The following ATF3 variants were observed in gnomAD, a reference collection of about 807,000 sequenced individuals.
The protein encoded by ATF3 is activating transcription factor 3.
A neutral mutation model predicts 18.4 loss-of-function variants in ATF3; 10 were observed. The ratio of observed to expected loss-of-function variants is 0.54; its 90% confidence interval spans 0.34 to 0.92. ATF3 has a LOEUF of 0.92. Ranked by LOEUF, ATF3 falls within the 40% of genes least tolerant of loss-of-function variation. The pLI is 0.02. For missense variants in ATF3, 183 were observed against 222.3 expected, an observed-to-expected ratio of 0.82 and a Z score of 1.12; for synonymous variants, 78 against 87.9, an observed-to-expected ratio of 0.89 and a Z score of 0.63.
At chr1:212,578,559 A>G (rs1664624003) in intron 1 of ATF3, among the ~76,000 whole-genome samples, 1 of 152,152 alleles carries the variant, frequency 6.6e-6, no homozygotes, top group African/African-American at 2.4e-5. Context: ...TTTAAATTTC[A>G]ATGTTTATAC....
chr1:212,603,137 A>C (rs1471699011), intron 1 of ATF3, among the ~76,000 whole-genome samples: 3 of 152,172 alleles, frequency 2.0e-5, no homozygotes, highest in Non-Finnish European at 4.4e-5. Context: ...TGCAGACTGA[A>C]GTGACCAGCT....
intron 1 of ATF3, among the ~76,000 whole-genome samples, chr1:212,597,944 T>A (rs1654359823): frequency 6.6e-6 from 1 of 152,212 alleles, no homozygotes; most frequent in African/African-American, 2.4e-5. Context: ...CAAGGAGTGC[T>A]TGATACATAA....
At chr1:212,571,130 T>G (rs906753396) in intron 1 of ATF3, among the ~76,000 whole-genome samples, 5 of 152,212 alleles carry the variant, frequency 3.3e-5, no homozygotes, top group African/African-American at 4.8e-5. Context: ...ACATTTGGTG[T>G]TGTCAGACTT....
intron 1 of ATF3, among the ~76,000 whole-genome samples, chr1:212,584,594 G>A (rs1033542808): frequency 2.0e-5 from 3 of 152,158 alleles, no homozygotes; most frequent in Admixed American, 6.5e-5. Context: ...CTACCTACAA[G>A]GGGGAGGACG....
Position 212,619,256 on chromosome 1 carries a change from G to A in ATF3, c.349-102G>A. 2 of 1,610,962 alleles carry A rather than the reference G, an allele frequency of 1.2e-6. No homozygotes were observed. Among genetic ancestry groups the A allele is most frequent in the African/African-American group, 1.3e-5 (1 of 74,926 alleles). On this transcript the variant is annotated intron_variant, in intron 3 of 3. Transcript: ENST00000341491. The surrounding 1 kb of genome is among the most constrained non-coding windows in gnomAD (Gnocchi z 4.4). The stretch of plus-strand genomic sequence containing the variant: ...TCCTCTCGCAGCTTGATGAGCCCCG[G>A]TGTGTCCCAGGTACACCCCTGCATC...
intron 1 of ATF3, among the ~76,000 whole-genome samples, chr1:212,579,153 G>A (rs781662785): frequency 4.0e-5 from 6 of 151,498 alleles, no homozygotes; most frequent in Admixed American, 1.3e-4. Context: ...CTGGGATTAC[G>A]GGCATGCACC....
chr1:212,589,470 A>G (rs538372526), intron 1 of ATF3, among the ~76,000 whole-genome samples: 1 of 152,314 alleles, frequency 6.6e-6, no homozygotes, highest in Admixed American at 6.5e-5. Flanking sequence ...GAGGGAACCC[A>G]TAGAAGAACT....
chr1:212,576,485 C>T (rs1285553719), intron 1 of ATF3, among the ~76,000 whole-genome samples: 2 of 151,492 alleles, frequency 1.3e-5, no homozygotes, highest in Non-Finnish European at 2.9e-5. Flanking sequence ...ATTGTGCTTG[C>T]CTAGTTTCTT....
chr1:212,609,206 G>T (rs1310277540), intron 1 of ATF3, among the ~76,000 whole-genome samples: 1 of 152,260 alleles, frequency 6.6e-6, no homozygotes, highest in East Asian at 1.9e-4. Flanking sequence ...CCACTCTGCC[G>T]CCAGCCTCGA....
intron 1 of ATF3, among the ~76,000 whole-genome samples, chr1:212,585,409 G>A: frequency 6.6e-6 from 1 of 152,148 alleles, no homozygotes; most frequent in South Asian, 2.1e-4. Context: ...TCTGCCTAGA[G>A]CCCTCTTCTT....
At chr1:212,595,553 T>C (rs1426458634) in intron 1 of ATF3, among the ~76,000 whole-genome samples, 1 of 152,194 alleles carries the variant, frequency 6.6e-6, no homozygotes, top group African/African-American at 2.4e-5. Context: ...ACCGGAAATG[T>C]GCGGGGAGTG....
At chr1:212,591,904 A>C (rs1238545421) in intron 1 of ATF3, among the ~76,000 whole-genome samples, 1 of 152,188 alleles carries the variant, frequency 6.6e-6, no homozygotes, top group Non-Finnish European at 1.5e-5. Flanking sequence ...GGATCACTGC[A>C]ACCTCCGCCG....
intron 1 of ATF3, among the ~76,000 whole-genome samples, chr1:212,586,741 C>T (rs1232793677): frequency 6.6e-6 from 1 of 152,208 alleles, no homozygotes; most frequent in East Asian, 1.9e-4. Context: ...TGGCAACATG[C>T]CCCAGTTACC....
intron 1 of ATF3, among the ~76,000 whole-genome samples, chr1:212,575,189 C>A (rs1022606032): frequency 6.6e-6 from 1 of 151,842 alleles, no homozygotes; most frequent in Admixed American, 6.6e-5. Context: ...CATAGTAATT[C>A]TCTCCATTTA....
intron 1 of ATF3, among the ~76,000 whole-genome samples, chr1:212,611,654 CAT>C (rs750631081): frequency 1.3e-5 from 2 of 152,046 alleles, no homozygotes; most frequent in Non-Finnish European, 2.9e-5. Context: ...TTCCTAGTAA[CAT>C]AAGATGGTTA....
chr1:212,578,832 G>A (rs755181076), intron 1 of ATF3, among the ~76,000 whole-genome samples: 8 of 151,622 alleles, frequency 5.3e-5, no homozygotes, highest in Non-Finnish European at 1.0e-4. Flanking sequence ...CCAGCTCCCC[G>A]TCCCAGAACC....
intron 1 of ATF3, among the ~76,000 whole-genome samples, chr1:212,591,909 C>A (rs1664893930): frequency 6.6e-6 from 1 of 152,102 alleles, no homozygotes; most frequent in African/African-American, 2.4e-5. Flanking sequence ...ACTGCAACCT[C>A]CGCCGGGTGG....
In ATF3 at chr1:212,570,435, C is replaced by G. The variant is rs1293204331; in HGVS notation, c.-5+4952C>G. 2.6e-5 allele frequency among the ~76,000 whole-genome samples: 4 copies of G among 152,006 alleles called. No homozygotes were observed. The East Asian group carries it at 7.7e-4, about 29-fold the overall frequency. On this transcript the variant is annotated intron_variant, in intron 1 of 3. Coordinates refer to the ATF3 transcript ENST00000366981. ...ACAAATGACAGATGCATATGCCTAG[C>G]AAGATATAAAACTCAAAGGGTATGA...
At chr1:212,584,156 G>T (rs766953493) in intron 1 of ATF3, among the ~76,000 whole-genome samples, 1 of 149,746 alleles carries the variant, frequency 6.7e-6, no homozygotes, top group African/African-American at 2.4e-5. Flanking sequence ...ACCACTTCTT[G>T]ATTTCTTATA....
Sources: allele counts gnomAD v4.1 joint callset (sites outside exome capture counted in the v4.1 genomes callset), GRCh38; gene constraint gnomAD v4.1.1; non-coding constraint Gnocchi (gnomAD v3.1); transcripts MANE v1.5; gene names NCBI Gene and HGNC (gene_info 2026-07-23, HGNC 2026-07-21).